RHEX: variants seen among roughly 807,000 people sequenced by gnomAD.
RHEX encodes the protein regulator of hemoglobinization and erythroid cell expansion protein.
In RHEX, 18 loss-of-function variants were observed where a neutral mutation model predicts 20.1. That is an observed-to-expected ratio of 0.90 (90% CI 0.62 to 1.33). The LOEUF (loss-of-function observed/expected upper bound fraction) is 1.33. RHEX is among the 40% of genes most tolerant of loss of function. The pLI is 0.00. For missense variants in RHEX, 192 were observed against 214.3 expected (o/e 0.90, Z 0.65); for synonymous variants, 87 against 77.1 (o/e 1.13, Z -0.67).
intron 1 of RHEX, among the ~76,000 whole-genome samples, chr1:206,066,758 G>A (rs1299318213): frequency 6.6e-6 from 1 of 152,194 alleles, no homozygotes; most frequent in African/African-American, 2.4e-5. Context: ...GTAGGTTATA[G>A]GACAATCTTA....
intron 1 of RHEX, among the ~76,000 whole-genome samples, chr1:206,079,301 A>C (rs1041593354): frequency 6.6e-6 from 1 of 152,242 alleles, no homozygotes; most frequent in Admixed American, 6.5e-5. Context: ...GATACACTCA[A>C]ATGCTGCTAG....
chr1:206,090,541 TTTGA>T (rs1553286925), intron 1 of RHEX, among the ~76,000 whole-genome samples: 1 of 152,084 alleles, frequency 6.6e-6, no homozygotes, highest in Non-Finnish European at 1.5e-5. Context: ...TTCCACTCTT[TTTGA>T]TTGTTCTTGT....
intron 1 of RHEX, among the ~76,000 whole-genome samples, chr1:206,056,172 G>A (rs1662191772): frequency 6.6e-6 from 1 of 152,138 alleles, no homozygotes; most frequent in African/African-American, 2.4e-5. Context: ...AGAGGTATTG[G>A]ACTCAGTTTA....
In RHEX at chr1:206,097,748, C is replaced by T; in HGVS notation, c.-81C>T. Reference sequence around the variant, plus strand: ...CCTCTTGCAGATCTCCAGCACCCTGCCGGTGGCACTACTGAGAGACGAGGT... The same window carrying T: ...CCTCTTGCAGATCTCCAGCACCCTGTCGGTGGCACTACTGAGAGACGAGGT... On this transcript the variant is annotated 5_prime_UTR_variant, in exon 2 of 6. Coordinates refer to ENST00000331555, the MANE Select transcript of RHEX (RefSeq NM_001007544.4). 1 of 1,613,262 alleles carries T rather than the reference C, an allele frequency of 6.2e-7. No homozygotes were observed. Among genetic ancestry groups the T allele is most frequent in the South Asian group, 1.1e-5 (1 of 91,026 alleles).
In RHEX at chr1:206,092,074, T is replaced by C. The variant is rs982366115; in HGVS notation, c.-96-5659T>C. On this transcript the variant is annotated intron_variant, in intron 1 of 5. Transcript: ENST00000331555. ...TTTCTCTCTCTCTCTTTCTCTCTCT[T>C]TCTTTCTTTCTTTTCTTTCTTTTCT... Among the ~76,000 whole-genome samples, 254 of 140,120 alleles carry C rather than the reference T, an allele frequency of 1.8e-3. 2 individuals are homozygous for C. The highest frequency in any genetic ancestry group is 7.1e-3 in the African/African-American group (238 of 33,550). The allele number at this position is 140,120 out of a possible 152,430, so 91.9% of individuals were successfully genotyped here.
chr1:206,099,777 A>T lies in RHEX; in HGVS notation c.235A>T (p.Met79Leu), dbSNP rs1553288170. 6 of 1,613,980 alleles carry T rather than the reference A, an allele frequency of 3.7e-6. No individual in the cohort carries two copies. Among genetic ancestry groups the T allele is most frequent in the Non-Finnish European group, 5.1e-6 (6 of 1,179,906 alleles). Residue 79 changes from methionine (M) to leucine (L), a missense_variant, in exon 4 of 6, where the codon ATG becomes TTG. By Grantham distance (15) the Met-to-Leu change is conservative. Transcript: ENST00000331555. Reference sequence around the variant, plus strand: ...GACTCAGACAGAGAGAGACATCCCAATGTCTGATTCCCTTTACAGGCGTGA... The same window carrying T: ...GACTCAGACAGAGAGAGACATCCCATTGTCTGATTCCCTTTACAGGCGTGA... ...KETQTERDIP[M>L]SDSLYRHDSD...
intron 1 of RHEX, among the ~76,000 whole-genome samples, chr1:206,096,779 TG>T (rs71568085): frequency 0.043 from 5,841 of 134,450 alleles, 397 homozygotes; most frequent in African/African-American, 0.17. Context: ...TTTTTTTTTT[TG>T]GTTTTTTTTT....
intron 1 of RHEX, chr1:206,083,413 A>C: frequency 2.4e-5 from 16 of 669,310 alleles, no homozygotes; most frequent in Non-Finnish European, 2.8e-5. Flanking sequence ...TGGGCAGAGC[A>C]TGGCCAAAAG....
chr1:206,090,171 C>T (rs1277140840), intron 1 of RHEX, among the ~76,000 whole-genome samples: 4 of 146,080 alleles, frequency 2.7e-5, no homozygotes, highest in African/African-American at 1.0e-4. Context: ...AGTCAGAAAT[C>T]TACCTTACCA....
At chr1:206,076,418 G>A (rs534035009) in intron 1 of RHEX, among the ~76,000 whole-genome samples, 1 of 152,306 alleles carries the variant, frequency 6.6e-6, no homozygotes, top group Admixed American at 6.5e-5. Context: ...CACCCTCCTC[G>A]ATCTCCCAAA....
At chr1:206,060,011 T>G (rs1190335833) in intron 1 of RHEX, among the ~76,000 whole-genome samples, 1 of 152,158 alleles carries the variant, frequency 6.6e-6, no homozygotes, top group Non-Finnish European at 1.5e-5. Flanking sequence ...TCCTGTCATA[T>G]CTGCTAACCC....
At chr1:206,066,792 T>G (rs1553284222) in intron 1 of RHEX, among the ~76,000 whole-genome samples, 1 of 152,234 alleles carries the variant, frequency 6.6e-6, no homozygotes, top group East Asian at 1.9e-4. Context: ...AGGGTCCTAA[T>G]GCATGTGTAG....
At chr1:206,058,614 T>C (rs1242460456) in intron 1 of RHEX, among the ~76,000 whole-genome samples, 2 of 152,246 alleles carry the variant, frequency 1.3e-5, no homozygotes, top group Non-Finnish European at 2.9e-5. Flanking sequence ...TAGAAACTGA[T>C]GTTATTCATA....
At chr1:206,088,697 G>T (rs80128150) in intron 1 of RHEX, among the ~76,000 whole-genome samples, 5,146 of 152,288 alleles carry the variant, frequency 0.034, 306 homozygotes, top group African/African-American at 0.12. Flanking sequence ...ACAAACAAAT[G>T]AAAGAAATAT....
At chr1:206,087,332 C>T (rs1322858423) in intron 1 of RHEX, among the ~76,000 whole-genome samples, 4 of 152,222 alleles carry the variant, frequency 2.6e-5, no homozygotes, top group African/African-American at 9.7e-5. Flanking sequence ...CTCTTCTCCC[C>T]TCCTTCCATC....
chr1:206,101,006 C>T (rs1553288307), intron 4 of RHEX, 130 bp from the exon 5 acceptor site: 2 of 638,116 alleles, frequency 3.1e-6, no homozygotes, highest in East Asian at 5.5e-5. Context: ...TTCCCTACCC[C>T]CCCTTTTTGT....
intron 1 of RHEX, among the ~76,000 whole-genome samples, chr1:206,073,717 C>T (rs1441868267): frequency 2.6e-5 from 4 of 152,134 alleles, no homozygotes; most frequent in Admixed American, 2.0e-4. Context: ...CTGTGAGTCA[C>T]CCTGGAATTC....
chr1:206,077,033 T>C (rs1553285342), intron 1 of RHEX, among the ~76,000 whole-genome samples: 1 of 152,216 alleles, frequency 6.6e-6, no homozygotes, highest in African/African-American at 2.4e-5. Context: ...AATGCGTGAA[T>C]TAAGGTGCTG....
chr1:206,099,088 G>T (rs149480653), intron 3 of RHEX, among the ~76,000 whole-genome samples: 1 of 152,144 alleles, frequency 6.6e-6, no homozygotes, highest in Non-Finnish European at 1.5e-5. Flanking sequence ...GAGCAAAGAG[G>T]CTGGGCAGCT....
Sources: allele counts gnomAD v4.1 joint callset (sites outside exome capture counted in the v4.1 genomes callset), GRCh38; gene constraint gnomAD v4.1.1; transcripts MANE v1.5; gene names NCBI Gene and HGNC (gene_info 2026-07-23, HGNC 2026-07-21).